The following GIGYF2 variants were observed in gnomAD, a reference collection of about 807,000 sequenced individuals.
GIGYF2 encodes the protein GRB10-interacting GYF protein 2.
GIGYF2 carries 25 observed loss-of-function variants against 208.1 expected under a neutral mutation model. The ratio of observed to expected loss-of-function variants is 0.12; its 90% confidence interval spans 0.09 to 0.17. The LOEUF is 0.17. Ranked by LOEUF, GIGYF2 falls within the 10% of genes least tolerant of loss-of-function variation. The pLI is 1.00. For missense variants in GIGYF2, 1,302 were observed against 1,579.4 expected, an observed-to-expected ratio of 0.82 and a Z score of 2.98; for synonymous variants, 534 against 543.8, an observed-to-expected ratio of 0.98 and a Z score of 0.25.
chr2:232,733,244 G>C (rs113677746), intron 2 of GIGYF2, among the ~76,000 whole-genome samples: 1 of 146,280 alleles, frequency 6.8e-6, no homozygotes, highest in Non-Finnish European at 1.5e-5. Flanking sequence ...GCGACAGAGC[G>C]AGACTCTTGT....
chr2:232,709,040 T>C (rs1030606776), intron 2 of GIGYF2, among the ~76,000 whole-genome samples: 1 of 152,004 alleles, frequency 6.6e-6, no homozygotes, highest in Middle Eastern at 3.2e-3. Context: ...CAGAATCTCT[T>C]GAACCTGGGA....
At chr2:232,706,902 C>T (rs969532868) in intron 2 of GIGYF2, among the ~76,000 whole-genome samples, 1 of 147,768 alleles carries the variant, frequency 6.8e-6, no homozygotes, top group Non-Finnish European at 1.5e-5. Context: ...GCCGTGATTG[C>T]ACCACTGCAT....
At chr2:232,750,501 C>T (rs189619747) in intron 5 of GIGYF2, among the ~76,000 whole-genome samples, 347 of 152,274 alleles carry the variant, frequency 2.3e-3, no homozygotes, top group Non-Finnish European at 4.0e-3. Flanking sequence ...ACAAGTGATA[C>T]GGTTCTGTAC....
chr2:232,784,667 G>A (rs283478), intron 8 of GIGYF2, among the ~76,000 whole-genome samples: 39,371 of 151,746 alleles, frequency 0.26, 5,562 homozygotes, highest in South Asian at 0.57. Context: ...GTGAGCCACC[G>A]CGCCTGGCCA....
chr2:232,697,474 T>C (rs889478380), intron 1 of GIGYF2, 82 bp downstream of exon 1: 2 of 153,548 alleles, frequency 1.3e-5, no homozygotes, highest in African/African-American at 4.8e-5. Context: ...GCCGCCTGTG[T>C]CTCCGGTCCG....
At chr2:232,739,364 C>T (rs372275728) in intron 3 of GIGYF2, among the ~76,000 whole-genome samples, 1 of 60,134 alleles carries the variant, frequency 1.7e-5, no homozygotes. Flanking sequence ...AAAGCAAACC[C>T]CCCCCCCCCC....
At chr2:232,827,544 A>G (rs1330870106) in intron 21 of GIGYF2, among the ~76,000 whole-genome samples, 2 of 152,086 alleles carry the variant, frequency 1.3e-5, no homozygotes, top group Non-Finnish European at 2.9e-5. Context: ...AATTTTATTC[A>G]TTGTTATTCT....
chr2:232,783,430 A>C (rs986526558), intron 8 of GIGYF2, among the ~76,000 whole-genome samples: 3 of 151,382 alleles, frequency 2.0e-5, no homozygotes, highest in Non-Finnish European at 2.9e-5. Flanking sequence ...TCCAGTTCTT[A>C]TCTACACACC....
At position 232,757,543 on chromosome 2, in the gene GIGYF2, G is replaced by C. The variant is rs189112214; in HGVS notation, c.379+1209G>C. ...GAATTTGAGATCCATGCATCTTGGT[G>C]GCATGGTGGTGGTTTCGAGTTGGGA... On this transcript the variant is annotated intron_variant, in intron 6 of 28. Transcript: ENST00000373563. Among the ~76,000 whole-genome samples, 396 of 152,222 alleles carry C rather than the reference G, an allele frequency of 2.6e-3. 11 individuals are homozygous for C. Among genetic ancestry groups the C allele is most frequent in the Admixed American group, 0.017 (258 of 15,292 alleles).
chr2:232,845,400 G>C (rs1701965052), intron 25 of GIGYF2, among the ~76,000 whole-genome samples: 1 of 152,116 alleles, frequency 6.6e-6, no homozygotes, highest in African/African-American at 2.4e-5. Flanking sequence ...TATTACTTAT[G>C]ATAACCCAAA....
intron 19 of GIGYF2, 23 bp downstream of exon 19, chr2:232,815,760 A>G: frequency 8.6e-7 from 1 of 1,166,386 alleles, no homozygotes. Flanking sequence ...TTCTTCTGCA[A>G]CAGTGCATTG....
chr2:232,716,994 T>G (rs1034992000), intron 2 of GIGYF2, among the ~76,000 whole-genome samples: 10 of 151,632 alleles, frequency 6.6e-5, no homozygotes, highest in African/African-American at 1.9e-4. Flanking sequence ...TTTTTTTTTT[T>G]GTAGTGATGG....
rs531050007 is a variant in GIGYF2, at chr2:232,806,031, C to G, written c.1640-460C>G. On this transcript the variant is annotated intron_variant, in intron 14 of 28. Transcript: ENST00000373563. This position sits in a 1 kb window ranked among gnomAD's most constrained non-coding sequence, Gnocchi z 4.0. ...AGAATACTCGTTTTTTCCCCACTAC[C>G]AAGATCAGAGAGCGAATTATAATTT... Among the ~76,000 whole-genome samples the G allele has an allele frequency of 2.0e-5, 3 of 152,148 alleles. No individual in the cohort carries two copies. The highest frequency in any genetic ancestry group is 2.0e-4 in the Admixed American group (3 of 15,288).
At position 232,858,823 on chromosome 2, in the gene GIGYF2, C is replaced by CAAATATCTTTTCTCTTTTTGACT; in HGVS notation, c.*1964_*1986dup. The CAAATATCTTTTCTCTTTTTGACT allele has an allele frequency of 3.4e-6, 1 of 295,524 alleles. No homozygotes were observed. Among genetic ancestry groups the CAAATATCTTTTCTCTTTTTGACT allele is most frequent in the Non-Finnish European group, 6.6e-6 (1 of 151,234 alleles). The allele number at this position is 295,524 out of a possible 1,614,324, so 18.3% of individuals were successfully genotyped here. A position where few individuals can be genotyped will look rare whatever the true frequency, so the allele number is the denominator to read the frequency against. The stretch of plus-strand genomic sequence containing the variant: ...CAAGGCAGATGTCGGTAAGTTTGAC[C>CAAATATCTTTTCTCTTTTTGACT]AAATATCTTTTCTCTTTTTGACTCT... On this transcript the variant is annotated 3_prime_UTR_variant, in exon 29 of 29. Transcript: ENST00000373563.
In GIGYF2 at chr2:232,832,976, G is replaced by A. The variant is rs762391985; in HGVS notation, c.2649G>A (p.Lys883=). Residue 883 remains lysine, a synonymous_variant, in exon 22 of 29, where the codon AAG becomes AAA. Transcript: ENST00000373563. ...TCCGGCATGAGGAAGAAGAACGGAAGAGAAAGGAGCTGGAGGTCCAGCGGC... is the reference window on the plus strand; with the variant it reads ...TCCGGCATGAGGAAGAAGAACGGAAAAGAAAGGAGCTGGAGGTCCAGCGGC... The part of the protein sequence containing the change: ...ARLRHEEEER[K]RKELEVQRQK... The A allele has an allele frequency of 2.6e-5, 41 of 1,575,646 alleles. No homozygotes were observed. The highest frequency in any genetic ancestry group is 1.8e-5 in the Admixed American group (1 of 54,340).
intron 8 of GIGYF2, among the ~76,000 whole-genome samples, chr2:232,783,381 A>G (rs283481): frequency 0.31 from 46,569 of 151,898 alleles, 7,496 homozygotes; most frequent in South Asian, 0.62. Flanking sequence ...TATTTTGTTT[A>G]TTTATTTTTT....
chr2:232,699,688 G>C (rs1038605313), intron 1 of GIGYF2, among the ~76,000 whole-genome samples: 1 of 152,168 alleles, frequency 6.6e-6, no homozygotes, highest in African/African-American at 2.4e-5. Flanking sequence ...AAAATGTAGG[G>C]AAATTAGAAA....
At chr2:232,746,629 C>T (rs1464813269) in intron 3 of GIGYF2, among the ~76,000 whole-genome samples, 2 of 152,062 alleles carry the variant, frequency 1.3e-5, no homozygotes, top group Non-Finnish European at 2.9e-5. Flanking sequence ...CAAAATAGTC[C>T]CTTTTCCCCA....
At position 232,849,153 on chromosome 2, in the gene GIGYF2, G is replaced by A. The variant is rs1199876246; in HGVS notation, c.3685-1109G>A. Among the ~76,000 whole-genome samples, 3 of 152,064 alleles carry A rather than the reference G, an allele frequency of 2.0e-5. No individual in the cohort carries two copies. The East Asian group carries it at 5.8e-4, about 29-fold the overall frequency. On this transcript the variant is annotated intron_variant, in intron 27 of 28. Transcript: ENST00000373563. ...AGGAAAAGTGAAAGATGTAAACACTGAAACACTAGGAAAAACAAATTTTTT... is the reference window on the plus strand; with the variant it reads ...AGGAAAAGTGAAAGATGTAAACACTAAAACACTAGGAAAAACAAATTTTTT...
Sources: gnomAD v4.1 joint callset for allele counts (sites outside exome capture counted in the v4.1 genomes callset) on GRCh38, gnomAD v4.1.1 for gene constraint, Gnocchi (gnomAD v3.1) non-coding constraint, MANE v1.5 for transcripts, NCBI Gene and HGNC (gene_info 2026-07-23, HGNC 2026-07-21) for gene names.